Variants in KHDC1 observed in about 807,000 individuals in gnomAD.
KHDC1 encodes KH homology domain-containing protein 1.
A neutral mutation model predicts 24.7 loss-of-function variants in KHDC1; 21 were observed. The observed-to-expected ratio is 0.85, with a 90% CI of 0.60 to 1.23. The LOEUF is 1.23. KHDC1 is among the 50% of genes most tolerant of loss of function. The pLI is 0.00. For missense variants in KHDC1, 274 were observed against 298.5 expected, an observed-to-expected ratio of 0.92 and a Z score of 0.61; for synonymous variants, 98 against 111.7, an observed-to-expected ratio of 0.88 and a Z score of 0.77.
At chr6:73,309,805 A>C in exon 1 of KHDC1, 1 of 1,434,684 alleles carries the variant, frequency 7.0e-7, no homozygotes, top group South Asian at 1.3e-5. Flanking sequence ...GCGGGAAGAG[A>C]CCAGACACCG....
intron 2 of KHDC1, chr6:73,263,110 A>G (rs1340153515): frequency 9.9e-7 from 1 of 1,007,922 alleles, no homozygotes; most frequent in Non-Finnish European, 1.2e-6. Context: ...TTGTGAGGAG[A>G]CAGCGGTACC....
At chr6:73,281,852 G>A (rs1465766362) in intron 2 of KHDC1, among the ~76,000 whole-genome samples, 1 of 152,012 alleles carries the variant, frequency 6.6e-6, no homozygotes, top group Non-Finnish European at 1.5e-5. Flanking sequence ...CTTGGCTGTG[G>A]TAGATTCTCA....
chr6:73,246,044 T>C (rs895817949), intron 2 of KHDC1, among the ~76,000 whole-genome samples: 5 of 152,256 alleles, frequency 3.3e-5, no homozygotes, highest in Non-Finnish European at 7.3e-5. Context: ...CCTTGGGTAA[T>C]AGCAAAGCTT....
intron 3 of KHDC1, 24 bp from the exon 3 acceptor site, chr6:73,242,261 A>T: frequency 6.2e-7 from 1 of 1,608,854 alleles, no homozygotes; most frequent in Non-Finnish European, 8.5e-7. Flanking sequence ...AGGTGAGAGG[A>T]GGTTCTGTCA....
chr6:73,265,129 CTAG>C (rs972396217), intron 2 of KHDC1, among the ~76,000 whole-genome samples: 16 of 152,182 alleles, frequency 1.1e-4, no homozygotes, highest in African/African-American at 2.6e-4. Flanking sequence ...TAGAGTTTGT[CTAG>C]TAGTATATTT....
intron 2 of KHDC1, among the ~76,000 whole-genome samples, chr6:73,280,624 G>A (rs1051358135): frequency 1.3e-5 from 2 of 148,606 alleles, no homozygotes; most frequent in African/African-American, 5.0e-5. Context: ...AGGTTCAAGT[G>A]ATTCTCCTGC....
chr6:73,296,300 T>G (rs1432670590), intron 1 of KHDC1, among the ~76,000 whole-genome samples: 1 of 150,048 alleles, frequency 6.7e-6, no homozygotes, highest in South Asian at 2.1e-4. Flanking sequence ...TCTAAAAATA[T>G]AAAAATTAGC....
At chr6:73,241,962 C>A in intron 4 of KHDC1, 93 bp downstream of exon 3, 1 of 1,379,418 alleles carries the variant, frequency 7.2e-7, no homozygotes, top group South Asian at 1.4e-5. Context: ...TCCCCAGCCA[C>A]ACAAGGGATT....
chr6:73,292,711 T>C, intron 1 of KHDC1: 1 of 747,572 alleles, frequency 1.3e-6, no homozygotes, highest in Non-Finnish European at 2.5e-6. Context: ...TTCTTCACTA[T>C]TTGACTACAG....
chr6:73,292,045 A>G (rs762751046), intron 1 of KHDC1: 2 of 1,613,892 alleles, frequency 1.2e-6, no homozygotes, highest in African/African-American at 2.7e-5. Flanking sequence ...TTCTCTCTGT[A>G]AAGGAGATAT....
At chr6:73,309,763 T>C (rs557896172) in exon 1 of KHDC1, 130 of 1,533,964 alleles carry the variant, frequency 8.5e-5, no homozygotes, top group Non-Finnish European at 1.1e-4. Flanking sequence ...GCACGAGTAG[T>C]ACAGCTCCTC....
chr6:73,242,503 C>T lies in KHDC1; in HGVS notation c.234G>A (p.Thr78=), dbSNP rs771392349. The change falls in exon 3 of 5, where the codon ACG becomes ACA. Residue 78 remains threonine, a synonymous_variant. Coordinates refer to ENST00000370384, the Ensembl canonical transcript of KHDC1. ...ACCACGGCTTCTTGCTGAGAGCACTCGTTCCCATGTCCATGCTCTGCTCCG... is the reference window on the plus strand; with the variant it reads ...ACCACGGCTTCTTGCTGAGAGCACTTGTTCCCATGTCCATGCTCTGCTCCG... The T allele has an allele frequency of 9.3e-6, 15 of 1,614,062 alleles. No individual in the cohort carries two copies. The East Asian group carries it at 1.3e-4, about 14-fold the overall frequency.
intron 2 of KHDC1, among the ~76,000 whole-genome samples, chr6:73,248,300 TC>T (rs1294937163): frequency 6.6e-6 from 1 of 151,948 alleles, no homozygotes; most frequent in Non-Finnish European, 1.5e-5. Context: ...CCCTTCCTGC[TC>T]CCTCTTCCCT....
chr6:73,271,503 G>T (rs1017607243), intron 2 of KHDC1, among the ~76,000 whole-genome samples: 3 of 151,566 alleles, frequency 2.0e-5, no homozygotes, highest in African/African-American at 4.9e-5. Context: ...CACCGTGCCT[G>T]GTGTAAAATA....
intron 2 of KHDC1, chr6:73,290,928 T>G (rs1767638877): frequency 2.7e-6 from 1 of 364,886 alleles, no homozygotes; most frequent in Admixed American, 3.5e-5. Context: ...CTGAGTCTAA[T>G]GTAGTGGATG....
At chr6:73,243,481 A>G (rs941354128) in intron 2 of KHDC1, among the ~76,000 whole-genome samples, 1 of 152,244 alleles carries the variant, frequency 6.6e-6, no homozygotes, top group Non-Finnish European at 1.5e-5. Flanking sequence ...CTACATCTGC[A>G]TACAGTTGAT....
chr6:73,259,280 CTTTTTTTTTTTTTTTT>C (rs59935884), intron 2 of KHDC1, among the ~76,000 whole-genome samples: 1 of 73,238 alleles, frequency 1.4e-5, no homozygotes, highest in Non-Finnish European at 2.4e-5. Context: ...ATCCAATATG[CTTTTTTTTTTTTTTTT>C]TTTTTTTTTG....
chr6:73,272,164 TTTTG>T (rs989557959), intron 2 of KHDC1, among the ~76,000 whole-genome samples: 4 of 151,360 alleles, frequency 2.6e-5, no homozygotes, highest in East Asian at 2.0e-4. Context: ...ACACCATCAT[TTTTG>T]TTTGTTTGTT....
At chr6:73,253,893 G>A (rs62411449) in intron 2 of KHDC1, among the ~76,000 whole-genome samples, 5 of 152,108 alleles carry the variant, frequency 3.3e-5, no homozygotes, top group Non-Finnish European at 5.9e-5. Flanking sequence ...GTGGCAGAGT[G>A]AGGCTCTGTC....
Sources: gnomAD v4.1 joint callset for allele counts (sites outside exome capture counted in the v4.1 genomes callset) on GRCh38, gnomAD v4.1.1 for gene constraint, MANE v1.5 for transcripts, NCBI Gene and HGNC (gene_info 2026-07-23, HGNC 2026-07-21) for gene names.